The following SGTA variants were observed in gnomAD, a reference collection of about 807,000 sequenced individuals.
SGTA encodes small glutamine rich tetratricopeptide repeat co-chaperone alpha, also known as small glutamine-rich tetratricopeptide repeat-containing protein alpha.
In SGTA, 22 loss-of-function variants were observed where a neutral mutation model predicts 44.3. The observed-to-expected ratio is 0.50, with a 90% CI of 0.36 to 0.71. SGTA has a LOEUF of 0.71. Among genes scored for constraint, SGTA ranks in the 30% least tolerant of loss-of-function variants. The pLI is 0.00. For missense variants in SGTA, 341 were observed against 435.9 expected (o/e 0.78, Z 1.94); for synonymous variants, 174 against 177.6 (o/e 0.98, Z 0.16).
Position 2,757,834 on chromosome 19 carries a change from C to A in SGTA, c.738-52G>T, listed in dbSNP as rs746561432. ...GCCGGGACAGCCTGACCGCCACCCC[C>A]ACTGCAGGCCCTCGCAGTGGCCCGG... On this transcript the variant is annotated intron_variant, in intron 9 of 11. Transcript: ENST00000221566. The A allele has an allele frequency of 1.3e-5, 16 of 1,260,508 alleles. No homozygotes were observed. The South Asian group carries it at 2.4e-4, about 19-fold the overall frequency. 78.1% of individuals were successfully genotyped at this position (1,260,508 alleles called of 1,614,324 possible).
At chr19:2,768,926 G>A in intron 2 of SGTA, 43 bp downstream of exon 2, 2 of 1,452,818 alleles carry the variant, frequency 1.4e-6, no homozygotes, top group Non-Finnish European at 1.9e-6. Context: ...GACTGTGCTG[G>A]CCGCTGCCCG....
intron 1 of SGTA, chr19:2,777,876 G>C (rs1325083915): frequency 6.6e-6 from 1 of 152,088 alleles, no homozygotes; most frequent in Non-Finnish European, 1.5e-5. Context: ...AATTAGCCGG[G>C]TGTGGTGGCG....
Position 2,761,410 on chromosome 19 carries a change from C to CT in SGTA, c.699+49dup. On this transcript the variant is annotated intron_variant, in intron 8 of 11. Transcript: ENST00000221566. This position sits in a 1 kb window ranked among gnomAD's most constrained non-coding sequence, Gnocchi z 5.7. ...AGTAGCGGACACAGCAGATGCGGGC[C>CT]TGGGGGGTGGCGCAGACACCATGGA... 6.8e-7 allele frequency: 1 copy of CT among 1,480,824 alleles called. No individual in the cohort carries two copies. Among genetic ancestry groups the CT allele is most frequent in the Non-Finnish European group, 9.2e-7 (1 of 1,083,648 alleles). 91.7% of individuals were successfully genotyped at this position (1,480,824 alleles called of 1,614,324 possible). A position where few individuals can be genotyped will look rare whatever the true frequency, so the allele number is the denominator to read the frequency against.
At chr19:2,780,946 T>C (rs1915560499) in intron 1 of SGTA, among the ~76,000 whole-genome samples, 1 of 152,142 alleles carries the variant, frequency 6.6e-6, no homozygotes, top group Non-Finnish European at 1.5e-5. Flanking sequence ...ATTAGCTGGG[T>C]GTAGTAGTGC....
At chr19:2,758,419 CT>C (rs1914889569) in intron 9 of SGTA, among the ~76,000 whole-genome samples, 1 of 151,800 alleles carries the variant, frequency 6.6e-6, no homozygotes. Flanking sequence ...ATTCCAGCTA[CT>C]TGGGAAGACC....
At chr19:2,779,904 A>C (rs1287007029) in intron 1 of SGTA, among the ~76,000 whole-genome samples, 1 of 151,644 alleles carries the variant, frequency 6.6e-6, no homozygotes, top group African/African-American at 2.4e-5. Flanking sequence ...GTATAGTGAG[A>C]CCCTACAAAA....
chr19:2,761,538 G>A lies in SGTA; in HGVS notation c.637-16C>T. 1 of 1,550,546 alleles carries A rather than the reference G, an allele frequency of 6.4e-7. No homozygotes were observed. The highest frequency in any genetic ancestry group is 8.7e-7 in the Non-Finnish European group (1 of 1,146,116). ...CGCCTCCCGTCTGAGGATGAGAACAGCCCTGGTTAGTGGGGCCTGGACCAG... is the reference window on the plus strand; with the variant it reads ...CGCCTCCCGTCTGAGGATGAGAACAACCCTGGTTAGTGGGGCCTGGACCAG... On this transcript the variant is annotated splice_polypyrimidine_tract_variant and intron_variant, in intron 7 of 11. Coordinates refer to ENST00000221566, the MANE Select transcript of SGTA (RefSeq NM_003021.4). This position sits in a 1 kb window ranked among gnomAD's most constrained non-coding sequence, Gnocchi z 5.7.
Position 2,767,490 on chromosome 19 carries a change from G to T in SGTA, c.207+90C>A, listed in dbSNP as rs1915178221. On this transcript the variant is annotated intron_variant, in intron 3 of 11. Transcript: ENST00000221566. This position sits in a 1 kb window ranked among gnomAD's most constrained non-coding sequence, Gnocchi z 7.3. ...GGATGCAGGCAGAGTGCTGGGGGAC[G>T]ATGAGAGCGGGGCTCCTGGGGTCCC... The T allele has an allele frequency of 9.3e-7, 1 of 1,078,190 alleles. No homozygotes were observed. Among genetic ancestry groups the T allele is most frequent in the Non-Finnish European group, 1.4e-6 (1 of 712,024 alleles). 66.8% of individuals were successfully genotyped at this position (1,078,190 alleles called of 1,614,324 possible).
intron 1 of SGTA, 146 bp from the exon 2 acceptor site, chr19:2,769,237 C>A (rs186368656): frequency 5.0e-6 from 3 of 597,610 alleles, no homozygotes; most frequent in African/African-American, 3.7e-5. Context: ...GGCCTTAATA[C>A]GCCCATTTCA....
chr19:2,768,351 C>T (rs147397092), intron 2 of SGTA, among the ~76,000 whole-genome samples: 1 of 152,340 alleles, frequency 6.6e-6, no homozygotes, highest in African/African-American at 2.4e-5. Context: ...CACATCCCTA[C>T]AGCTGTCACT....
chr19:2,771,543 G>T (rs1157452629), intron 1 of SGTA, among the ~76,000 whole-genome samples: 2 of 147,092 alleles, frequency 1.4e-5, no homozygotes, highest in African/African-American at 5.2e-5. Context: ...TTCCTCTTCT[G>T]TCCCCCATGG....
intron 2 of SGTA, among the ~76,000 whole-genome samples, chr19:2,768,432 C>T (rs944616333): frequency 6.6e-6 from 1 of 152,130 alleles, no homozygotes; most frequent in Non-Finnish European, 1.5e-5. Flanking sequence ...GGAAGGAGGA[C>T]CTAGAGCAGA....
intron 9 of SGTA, 23 bp from the exon 10 acceptor site, chr19:2,757,805 C>T (rs980425097): frequency 6.6e-6 from 10 of 1,520,592 alleles, no homozygotes; most frequent in Non-Finnish European, 8.0e-6. Flanking sequence ...GCGCGTGACT[C>T]GCAGCCGGGA....
chr19:2,768,318 A>G (rs1265508832), intron 2 of SGTA, among the ~76,000 whole-genome samples: 2 of 152,154 alleles, frequency 1.3e-5, no homozygotes, highest in Non-Finnish European at 2.9e-5. Flanking sequence ...CTTCCTGCCC[A>G]GCACTGTGTC....
intron 1 of SGTA, among the ~76,000 whole-genome samples, 182 bp downstream of exon 1, chr19:2,783,051 C>G (rs1375602067): frequency 6.6e-6 from 1 of 152,214 alleles, no homozygotes; most frequent in East Asian, 1.9e-4. Context: ...GATCAGGGCT[C>G]GAAGGGCCTG....
At chr19:2,759,379 C>T (rs1914920527) in intron 8 of SGTA, 85 bp from the exon 9 acceptor site, 5 of 1,332,202 alleles carry the variant, frequency 3.8e-6, no homozygotes, top group Non-Finnish European at 5.4e-6. Context: ...CTTAACCAGC[C>T]TTGGTTCTGG....
Position 2,767,828 on chromosome 19 carries a change from T to A in SGTA, c.101-142A>T. 1.5e-6 allele frequency: 1 copy of A among 669,724 alleles called. No homozygotes were observed. 41.5% of individuals were successfully genotyped at this position (669,724 alleles called of 1,614,324 possible). ...CCCAGAACGCAGGGGCCGCCGCCTG[T>A]GCTCTGGGCTGGGACAGTGGACCCT... On this transcript the variant is annotated intron_variant, in intron 2 of 11. Coordinates refer to ENST00000221566, the MANE Select transcript of SGTA (RefSeq NM_003021.4). The surrounding 1 kb of genome is among the most constrained non-coding windows in gnomAD (Gnocchi z 7.3).
chr19:2,757,303 G>A, intron 11 of SGTA, 34 bp downstream of exon 11: 5 of 1,594,216 alleles, frequency 3.1e-6, no homozygotes, highest in Non-Finnish European at 3.4e-6. Context: ...CACTCCTGCT[G>A]GCCACCCCCC....
intron 4 of SGTA, among the ~76,000 whole-genome samples, chr19:2,766,253 G>A (rs1190824162): frequency 6.6e-6 from 1 of 151,890 alleles, no homozygotes; most frequent in Non-Finnish European, 1.5e-5. Context: ...CATGCTGTGC[G>A]TCCTTTTGTG....
Sources: gnomAD v4.1 joint callset for allele counts (sites outside exome capture counted in the v4.1 genomes callset) on GRCh38, gnomAD v4.1.1 for gene constraint, Gnocchi (gnomAD v3.1) non-coding constraint, MANE v1.5 for transcripts, NCBI Gene and HGNC (gene_info 2026-07-23, HGNC 2026-07-21) for gene names.